Variants in YIPF7 observed in about 807,000 individuals in gnomAD.
YIPF7 encodes the protein Yip1 domain family member 7.
In YIPF7, 35 loss-of-function variants were observed where a neutral mutation model predicts 27.2. The ratio of observed to expected loss-of-function variants is 1.29; its 90% CI spans 0.98 to 1.70. The LOEUF (loss-of-function observed/expected upper bound fraction) is 1.70. Ranked by LOEUF, YIPF7 falls within the 40% of genes most tolerant of loss-of-function variation. The pLI is 0.00. For missense variants in YIPF7, 358 were observed against 303.7 expected, an observed-to-expected ratio of 1.18 and a Z score of -1.33; for synonymous variants, 137 against 110.4, an observed-to-expected ratio of 1.24 and a Z score of -1.51.
At chr4:44,644,782 C>T (rs888613603) in intron 2 of YIPF7, among the ~76,000 whole-genome samples, 13 of 152,068 alleles carry the variant, frequency 8.5e-5, no homozygotes, top group Admixed American at 7.9e-4. Context: ...TCTGTGTCCC[C>T]ACCCAAATCT....
At chr4:44,643,793 G>C (rs1055621958) in intron 2 of YIPF7, among the ~76,000 whole-genome samples, 1 of 152,168 alleles carries the variant, frequency 6.6e-6, no homozygotes, top group African/African-American at 2.4e-5. Flanking sequence ...AGTCTTGGTG[G>C]CTTCTGCATA....
rs565519828 is a variant in YIPF7, at chr4:44,637,258, T to C, written c.117-1173A>G. Among the ~76,000 whole-genome samples the C allele has an allele frequency of 7.0e-4, 107 of 152,322 alleles. No homozygotes were observed. In the South Asian group the frequency reaches 0.021, roughly 30 times the overall value. On this transcript the variant is annotated intron_variant, in intron 2 of 5. Coordinates refer to ENST00000415895, the MANE Select transcript of YIPF7 (RefSeq NM_182592.3). ...ATTGACTTCTTTTCCTTTGGATATA[T>C]ACCCAGTAGTGGGATTGCTTGATAA...
chr4:44,640,819 C>T (rs1230021557), intron 2 of YIPF7, among the ~76,000 whole-genome samples: 2 of 152,136 alleles, frequency 1.3e-5, no homozygotes, highest in Non-Finnish European at 2.9e-5. Flanking sequence ...GGGCCAGCCC[C>T]TAGTTCACAC....
Position 44,629,487 on chromosome 4 carries a change from C to A in YIPF7, c.342G>T (p.Lys114Asn). The change falls in exon 4 of 6, where the codon AAG becomes AAT. Residue 114 changes from lysine to asparagine, a missense_variant. Transcript: ENST00000415895. ...QKTLTVLNPM[K>N]PVDGSIMNET... ...CATTCATAATGCTGCCATCTACTGG[C>A]TTCATTGGGTTTAACACTGTCAAAG... is the stretch of plus-strand genomic sequence containing the variant. 6.3e-7 allele frequency: 1 copy of A among 1,591,614 alleles called. No homozygotes were observed.
intron 4 of YIPF7, among the ~76,000 whole-genome samples, chr4:44,625,544 C>CCA: frequency 6.6e-6 from 1 of 152,266 alleles, no homozygotes; most frequent in African/African-American, 2.4e-5. Flanking sequence ...GGTTGATTAA[C>CCA]CACACCTTAT....
At chr4:44,653,352 T>C (rs187439347), upstream of YIPF7, among the ~76,000 whole-genome samples, 119 of 152,032 alleles carry the variant, frequency 7.8e-4, no homozygotes, top group Middle Eastern at 3.4e-3. Flanking sequence ...TAGTCACAAG[T>C]GGAAGAGGGA....
intron 2 of YIPF7, chr4:44,660,393 T>C (rs1462174787): frequency 6.6e-6 from 1 of 152,158 alleles, no homozygotes; most frequent in East Asian, 1.9e-4. Flanking sequence ...ATTTAGCTTT[T>C]GCCTGGGTCC....
At chr4:44,659,332 G>GTAGGAAA (rs11281227) in intron 2 of YIPF7, among the ~76,000 whole-genome samples, 82,445 of 151,536 alleles carry the variant, frequency 0.54, 23,340 homozygotes, top group Non-Finnish European at 0.64. Flanking sequence ...AAACATAAGA[G>GTAGGAAA]CAAAGACATA....
At position 44,661,818 on chromosome 4, in the gene YIPF7, ATTAC is replaced by A. The variant is rs553352488; in HGVS notation, c.-171-1204_-171-1201del. Among the ~76,000 whole-genome samples, 23 of 152,348 alleles carry A rather than the reference ATTAC, an allele frequency of 1.5e-4. No individual in the cohort carries two copies. In the South Asian group the frequency reaches 4.4e-3, roughly 29 times the overall value. On this transcript the variant is annotated intron_variant, in intron 1 of 2. Coordinates refer to the YIPF7 transcript ENST00000508947. ...TGGAAGAAAAAAGATTAACAGGAAT[ATTAC>A]TTAGTGAGGTGGAATCAGAGAATGG...
upstream of YIPF7, among the ~76,000 whole-genome samples, chr4:44,653,373 G>A (rs1713793883): frequency 6.6e-6 from 1 of 152,062 alleles, no homozygotes; most frequent in African/African-American, 2.4e-5. Flanking sequence ...GACTGGTTAG[G>A]AAGAGAAAGT....
chr4:44,634,871 T>C (rs1713050215), intron 3 of YIPF7, among the ~76,000 whole-genome samples: 1 of 152,228 alleles, frequency 6.6e-6, no homozygotes, highest in East Asian at 1.9e-4. Context: ...TTGTAACTTC[T>C]AGGTGTTTAT....
upstream of YIPF7, among the ~76,000 whole-genome samples, chr4:44,652,982 T>G (rs1001768036): frequency 2.0e-5 from 3 of 152,052 alleles, no homozygotes; most frequent in Non-Finnish European, 4.4e-5. Context: ...TAGAATATAC[T>G]GTTAAGATGG....
chr4:44,644,820 G>A (rs1713467457), intron 2 of YIPF7, among the ~76,000 whole-genome samples: 1 of 152,164 alleles, frequency 6.6e-6, no homozygotes, highest in South Asian at 2.1e-4. Flanking sequence ...CCCAGCTGGA[G>A]GTGGGGCCTA....
intron 3 of YIPF7, among the ~76,000 whole-genome samples, chr4:44,632,056 C>T (rs747045539): frequency 2.6e-5 from 4 of 152,042 alleles, no homozygotes; most frequent in Non-Finnish European, 5.9e-5. Context: ...CATATTTTAA[C>T]GTCAAACCAT....
At position 44,650,008 on chromosome 4, in the gene YIPF7, A is replaced by G. The variant is rs374662629; in HGVS notation, c.93T>C (p.Tyr31=). The part of the protein sequence containing the change: ...QEQSGNDSNA[Y]GNLYGSRKQQ... ...ACTTTCTAGATCCATAAAGATTTCC[A>G]TAGGCATTAGAGTCATTACCACTCT... Residue 31 remains tyrosine, a synonymous_variant, in exon 2 of 6, where the codon TAT becomes TAC. Transcript: ENST00000415895. 9 of 1,569,368 alleles carry G rather than the reference A, an allele frequency of 5.7e-6. No individual in the cohort carries two copies. The highest frequency in any genetic ancestry group is 3.4e-4 in the Middle Eastern group (2 of 5,952).
At chr4:44,645,713 T>C (rs1252934466) in intron 2 of YIPF7, among the ~76,000 whole-genome samples, 4 of 152,178 alleles carry the variant, frequency 2.6e-5, no homozygotes, top group Non-Finnish European at 5.9e-5. Context: ...CTCTGGCTCA[T>C]TGAATTTAAA....
intron 4 of YIPF7, among the ~76,000 whole-genome samples, chr4:44,628,899 T>A (rs1284260691): frequency 6.6e-6 from 1 of 152,130 alleles, no homozygotes; most frequent in Admixed American, 6.5e-5. Context: ...AAACAAAACA[T>A]AGGTTGTCAT....
chr4:44,642,475 T>C (rs372460792), intron 2 of YIPF7, among the ~76,000 whole-genome samples: 2 of 152,220 alleles, frequency 1.3e-5, no homozygotes, highest in South Asian at 2.1e-4. Flanking sequence ...ATGTTTCATC[T>C]CAATAAAAAA....
chr4:44,634,446 C>T (rs574946761), intron 3 of YIPF7, among the ~76,000 whole-genome samples: 6 of 152,084 alleles, frequency 3.9e-5, no homozygotes, highest in African/African-American at 1.4e-4. Context: ...GGGGGAGGAT[C>T]GCTTGAACCC....
Sources: gnomAD v4.1 joint callset for allele counts (sites outside exome capture counted in the v4.1 genomes callset) on GRCh38, gnomAD v4.1.1 for gene constraint, MANE v1.5 for transcripts, NCBI Gene and HGNC (gene_info 2026-07-23, HGNC 2026-07-21) for gene names.